GMPS: variants seen among roughly 807,000 people sequenced by gnomAD.
GMPS encodes the protein GMP synthase [glutamine-hydrolyzing].
In GMPS, 15 loss-of-function variants were observed where a neutral mutation model predicts 77.9. The observed-to-expected ratio is 0.19, with a 90% CI of 0.13 to 0.30. The LOEUF (loss-of-function observed/expected upper bound fraction) is 0.30, where lower values mean the gene tolerates loss of function less well. GMPS is among the 10% of genes least tolerant of loss of function. The pLI, the probability that GMPS is intolerant of heterozygous loss-of-function variation, is 1.00. For missense variants in GMPS, 590 were observed against 838.8 expected, an observed-to-expected ratio of 0.70 and a Z score of 3.66; for synonymous variants, 224 against 275.9, an observed-to-expected ratio of 0.81 and a Z score of 1.86.
At chr3:155,869,434 A>G (rs538298508), upstream of GMPS, among the ~76,000 whole-genome samples, 115 of 152,320 alleles carry the variant, frequency 7.5e-4, no homozygotes, top group African/African-American at 2.7e-3. Flanking sequence ...TACCCAGAGA[A>G]GCCAGTATCC....
chr3:155,891,271 T>C (rs2108070105), intron 1 of GMPS, among the ~76,000 whole-genome samples: 1 of 152,346 alleles, frequency 6.6e-6, no homozygotes, highest in East Asian at 1.9e-4. Context: ...TAAAAAAGCA[T>C]ACTTAGATTT....
rs905564809 is a variant in GMPS at position 155,941,436 on chromosome 3, A to G, written c.*3744A>G. Reference sequence around the variant, plus strand: ...AAAAAAAAGGAAGTTCTTAGTGTGTAATTGACCATCAGGGATAAATGGGCT... The same window carrying G: ...AAAAAAAAGGAAGTTCTTAGTGTGTGATTGACCATCAGGGATAAATGGGCT... On this transcript the variant is annotated 3_prime_UTR_variant, in exon 16 of 16. Transcript: ENST00000496455. The G allele has an allele frequency of 1.5e-5, 3 of 195,526 alleles. No homozygotes were observed. The allele number at this position is 195,526 out of a possible 1,614,324, so 12.1% of individuals were successfully genotyped here. A position where few individuals can be genotyped will look rare whatever the true frequency, so the allele number is the denominator to read the frequency against.
rs866030942 is a variant in GMPS, at chr3:155,937,957, T to G, written c.*265T>G. The G allele has an allele frequency of 2.8e-6, 1 of 356,042 alleles. No individual in the cohort carries two copies. The allele number at this position is 356,042 out of a possible 1,614,324, so 22.1% of individuals were successfully genotyped here. ...TTGCCTTTGCCTCACTTATTCTTTA[T>G]GTATAAATTCACTGTTGATGTCTCT... On this transcript the variant is annotated 3_prime_UTR_variant, in exon 16 of 16. Transcript: ENST00000496455.
rs1755262475 is a variant in GMPS at position 155,919,349 on chromosome 3, G to C, written c.1318+11G>C. 2.2e-6 allele frequency: 3 copies of C among 1,386,688 alleles called. No homozygotes were observed. Among genetic ancestry groups the C allele is most frequent in the Non-Finnish European group, 3.0e-6 (3 of 988,124 alleles). 85.9% of individuals were successfully genotyped at this position (1,386,688 alleles called of 1,614,324 possible). On this transcript the variant is annotated intron_variant, in intron 10 of 15. Transcript: ENST00000496455. ...GGCATCCATTTCCAGGTAAAAATTAGAACTGAATTTTGTTTGATTCATCTT... is the reference window on the plus strand; with the variant it reads ...GGCATCCATTTCCAGGTAAAAATTACAACTGAATTTTGTTTGATTCATCTT...
intron 1 of GMPS, among the ~76,000 whole-genome samples, chr3:155,893,251 C>T (rs1285214147): frequency 6.6e-6 from 1 of 152,106 alleles, no homozygotes; most frequent in African/African-American, 2.4e-5. Context: ...TTAGATCATG[C>T]ATGTAAGATA....
intron 15 of GMPS, 119 bp downstream of exon 15, chr3:155,936,629 T>G: frequency 1.6e-6 from 1 of 618,376 alleles, no homozygotes; most frequent in Non-Finnish European, 2.8e-6. Context: ...GTTCATAAGA[T>G]AGGCTTTTTT....
intron 5 of GMPS, among the ~76,000 whole-genome samples, chr3:155,908,943 A>T (rs1010748624): frequency 2.0e-5 from 3 of 151,848 alleles, no homozygotes; most frequent in African/African-American, 7.2e-5. Context: ...TAGAAAAGAG[A>T]TTTAAGGGCT....
intron 11 of GMPS, among the ~76,000 whole-genome samples, chr3:155,923,438 A>G (rs1321402932): frequency 6.6e-6 from 1 of 152,120 alleles, no homozygotes; most frequent in Non-Finnish European, 1.5e-5. Context: ...GATTCAGGAA[A>G]TGTAACACAT....
chr3:155,911,122 CAGT>C lies in GMPS; in HGVS notation c.730_732del (p.Ser244del). ...TTCATTTTACCCCGTAGGTTTTACT[CAGT>C]GGTGGAGTAGACTCAACAGTTTGTA... On this transcript the variant is annotated inframe_deletion, in exon 7 of 16. Transcript: ENST00000496455. 6.3e-7 allele frequency: 1 copy of C among 1,596,480 alleles called. No homozygotes were observed. Among genetic ancestry groups the C allele is most frequent in the Non-Finnish European group, 8.5e-7 (1 of 1,173,756 alleles).
In GMPS at chr3:155,939,121, T is replaced by C. The variant is rs1444777896; in HGVS notation, c.*1429T>C. On this transcript the variant is annotated 3_prime_UTR_variant, in exon 16 of 16. Coordinates refer to ENST00000496455, the MANE Select transcript of GMPS (RefSeq NM_003875.3). ...TGCTGCTGGACCAGCAAGGGAAGAG[T>C]TTCTGTCTGTCTTAACAGAAATCTG... The C allele has an allele frequency of 9.2e-6, 2 of 218,384 alleles. No homozygotes were observed. The highest frequency in any genetic ancestry group is 1.8e-5 in the Non-Finnish European group (2 of 108,850). The allele number at this position is 218,384 out of a possible 1,614,324, so 13.5% of individuals were successfully genotyped here. A position where few individuals can be genotyped will look rare whatever the true frequency, so the allele number is the denominator to read the frequency against.
At chr3:155,937,023 C>T (rs1301837325) in intron 15 of GMPS, among the ~76,000 whole-genome samples, 1 of 152,172 alleles carries the variant, frequency 6.6e-6, no homozygotes, top group South Asian at 2.1e-4. Context: ...GCCTCCAGTG[C>T]ACTAACACGA....
chr3:155,937,603 A>C lies in GMPS; in HGVS notation c.1993A>C (p.Met665Leu), dbSNP rs1455483413. 6.9e-7 allele frequency: 1 copy of C among 1,440,210 alleles called. No homozygotes were observed. Among genetic ancestry groups the C allele is most frequent in the Non-Finnish European group, 9.8e-7 (1 of 1,023,486 alleles). 89.2% of individuals were successfully genotyped at this position (1,440,210 alleles called of 1,614,324 possible). ...TTTTTTTTAATAGGTGGTATTAAAGATGGTCACTGAGATTAAGAAGATTCC... is the reference window on the plus strand; with the variant it reads ...TTTTTTTTAATAGGTGGTATTAAAGCTGGTCACTGAGATTAAGAAGATTCC... Reference protein sequence around the residue: ...NEIPVEVVLKMVTEIKKIPGI... With the variant: ...NEIPVEVVLKLVTEIKKIPGI... The change falls in exon 16 of 16, where the codon ATG becomes CTG. Residue 665 changes from methionine (M) to leucine (L), a missense_variant. Physicochemically the swap from Met to Leu is conservative, Grantham distance 15. Transcript: ENST00000496455.
intron 1 of GMPS, among the ~76,000 whole-genome samples, chr3:155,886,872 A>T (rs774644084): frequency 6.6e-6 from 1 of 152,068 alleles, no homozygotes; most frequent in Non-Finnish European, 1.5e-5. Context: ...TTCCTGTTCT[A>T]TGAGAAATTC....
intron 11 of GMPS, among the ~76,000 whole-genome samples, chr3:155,923,779 A>G (rs1310945113): frequency 2.0e-5 from 3 of 152,244 alleles, no homozygotes; most frequent in Non-Finnish European, 4.4e-5. Flanking sequence ...TTTGAAGTAT[A>G]CTATTCTTGA....
chr3:155,869,663 A>C (rs1439117689), upstream of GMPS, among the ~76,000 whole-genome samples: 1 of 152,248 alleles, frequency 6.6e-6, no homozygotes, highest in African/African-American at 2.4e-5. Context: ...TAAAAAGGAT[A>C]AGAACATCAA....
Position 155,943,448 on chromosome 3 carries a change from G to T in GMPS, c.*5756G>T, listed in dbSNP as rs1274612729. 1 of 179,678 alleles carries T rather than the reference G, an allele frequency of 5.6e-6. No homozygotes were observed. Among genetic ancestry groups the T allele is most frequent in the African/African-American group, 2.4e-5 (1 of 42,344 alleles). 11.1% of individuals were successfully genotyped at this position (179,678 alleles called of 1,614,324 possible). A position where few individuals can be genotyped will look rare whatever the true frequency, so the allele number is the denominator to read the frequency against. On this transcript the variant is annotated 3_prime_UTR_variant, in exon 16 of 16. Coordinates refer to ENST00000496455, the MANE Select transcript of GMPS (RefSeq NM_003875.3). ...TATCTTCAAGAATACAGATTTTTAA[G>T]GTAAGTAGTTTTTCGTCTTTGCATC...
At position 155,941,982 on chromosome 3, in the gene GMPS, A is replaced by C. The variant is rs536685304; in HGVS notation, c.*4290A>C. The stretch of plus-strand genomic sequence containing the variant: ...TCTAACCTTTTTGTCAGTGTTCCTC[A>C]ACACTGGATGCGTATTATTACATAA... On this transcript the variant is annotated 3_prime_UTR_variant, in exon 16 of 16. Transcript: ENST00000496455. The C allele has an allele frequency of 1.3e-4, 28 of 211,174 alleles. No homozygotes were observed. Among genetic ancestry groups the C allele is most frequent in the African/African-American group, 6.3e-4 (28 of 44,250 alleles). 13.1% of individuals were successfully genotyped at this position (211,174 alleles called of 1,614,324 possible).
chr3:155,898,402 C>G (rs1050000576), intron 3 of GMPS, among the ~76,000 whole-genome samples: 2 of 152,196 alleles, frequency 1.3e-5, no homozygotes, highest in Non-Finnish European at 1.5e-5. Context: ...ACGTGATGCC[C>G]TGTTACTTAT....
chr3:155,898,524 TCA>T (rs1447378063), intron 3 of GMPS, among the ~76,000 whole-genome samples: 1 of 152,250 alleles, frequency 6.6e-6, no homozygotes, highest in South Asian at 2.1e-4. Flanking sequence ...CCTTCACATT[TCA>T]CAGTTTGTCT....
Sources: gnomAD v4.1 joint callset for allele counts (sites outside exome capture counted in the v4.1 genomes callset) on GRCh38, gnomAD v4.1.1 for gene constraint, MANE v1.5 for transcripts, NCBI Gene and HGNC (gene_info 2026-07-23, HGNC 2026-07-21) for gene names.